Variants in POLR2B observed in about 807,000 individuals in gnomAD.
POLR2B encodes DNA-directed RNA polymerase II subunit RPB2.
In POLR2B, 57 loss-of-function variants were observed where a neutral mutation model predicts 144.6. That is an observed-to-expected ratio of 0.39 (90% confidence interval 0.32 to 0.49). The LOEUF is 0.49. Among genes scored for constraint, POLR2B ranks in the 20% least tolerant of loss-of-function variants. POLR2B has a pLI of 0.83. For synonymous variants in POLR2B, 442 were observed against 469.8 expected, an observed-to-expected ratio of 0.94 and a Z score of 0.77; for missense variants, 595 against 1,467.4, an observed-to-expected ratio of 0.41 and a Z score of 9.71.
At chr4:56,982,539 C>T (rs1002314409) in intron 1 of POLR2B, among the ~76,000 whole-genome samples, 7 of 151,970 alleles carry the variant, frequency 4.6e-5, no homozygotes, top group Middle Eastern at 3.4e-3. Flanking sequence ...CACCACTGCA[C>T]TTCAGCCTGG....
chr4:56,998,948 G>C (rs909717708), intron 6 of POLR2B, among the ~76,000 whole-genome samples: 2 of 152,144 alleles, frequency 1.3e-5, no homozygotes, highest in African/African-American at 4.8e-5. Context: ...GAGGCCAAGG[G>C]AAGATAGAGT....
At chr4:57,020,099 T>C (rs1258003420) in intron 16 of POLR2B, among the ~76,000 whole-genome samples, 1 of 152,154 alleles carries the variant, frequency 6.6e-6, no homozygotes, top group Non-Finnish European at 1.5e-5. Context: ...AGTGGCACGA[T>C]CTTGGTTCGC....
At chr4:57,028,728 A>T (rs1377863426) in intron 23 of POLR2B, among the ~76,000 whole-genome samples, 1 of 152,130 alleles carries the variant, frequency 6.6e-6, no homozygotes, top group East Asian at 1.9e-4. Context: ...AATAGCTTTG[A>T]CTCTCAGGCG....
At chr4:56,994,609 C>T in intron 4 of POLR2B, 38 bp from the exon 5 acceptor site, 3 of 1,463,086 alleles carry the variant, frequency 2.1e-6, no homozygotes, top group Non-Finnish European at 2.9e-6. Flanking sequence ...TTAACAGATA[C>T]CCTATTGCTT....
At chr4:56,994,040 CTT>C (rs1722603882) in intron 3 of POLR2B, among the ~76,000 whole-genome samples, 1 of 152,162 alleles carries the variant, frequency 6.6e-6, no homozygotes, top group African/African-American at 2.4e-5. Flanking sequence ...TATTAAGTCT[CTT>C]TTTGTCTTCT....
intron 1 of POLR2B, among the ~76,000 whole-genome samples, chr4:56,980,492 C>T (rs893940967): frequency 4.6e-5 from 7 of 151,976 alleles, no homozygotes; most frequent in Admixed American, 3.9e-4. Context: ...GAGTCTGAGG[C>T]GGGTGGATTA....
chr4:57,005,641 G>GCTT lies in POLR2B; in HGVS notation c.1139_1140insCTT (p.Arg380delinsSerLeu). 6.2e-7 allele frequency: 1 copy of GCTT among 1,610,106 alleles called. No individual in the cohort carries two copies. The highest frequency in any genetic ancestry group is 8.5e-7 in the Non-Finnish European group (1 of 1,177,728). On this transcript the variant is annotated protein_altering_variant, in exon 9 of 25. Coordinates refer to ENST00000314595, the MANE Select transcript of POLR2B (RefSeq NM_000938.3). ...TTACTTCTGGCAGCTTTGGGTAGAA[G>GCTT]AGAACTAGATGACAGAGATCACTAT...
chr4:56,993,298 G>C (rs1722579451), intron 3 of POLR2B, among the ~76,000 whole-genome samples: 1 of 152,056 alleles, frequency 6.6e-6, no homozygotes, highest in Non-Finnish European at 1.5e-5. Flanking sequence ...GTGAGACCCT[G>C]TCTCAAACAA....
intron 17 of POLR2B, 123 bp from the exon 18 acceptor site, chr4:57,022,029 C>T (rs907230565): frequency 3.2e-6 from 2 of 621,512 alleles, no homozygotes; most frequent in African/African-American, 1.9e-5. Context: ...TGCAGTTACT[C>T]TTGTCCCAGA....
At chr4:56,984,648 C>G (rs1173083280) in intron 1 of POLR2B, among the ~76,000 whole-genome samples, 1 of 152,172 alleles carries the variant, frequency 6.6e-6, no homozygotes, top group Non-Finnish European at 1.5e-5. Flanking sequence ...ATAGCTTTGT[C>G]TTTCTTACCC....
At chr4:57,020,097 G>A (rs1003742502) in intron 16 of POLR2B, among the ~76,000 whole-genome samples, 1 of 152,080 alleles carries the variant, frequency 6.6e-6, no homozygotes, top group South Asian at 2.1e-4. Context: ...GCAGTGGCAC[G>A]ATCTTGGTTC....
chr4:57,010,201 G>T (rs1723145154), intron 10 of POLR2B, 160 bp from the exon 11 acceptor site: 2 of 610,670 alleles, frequency 3.3e-6, no homozygotes, highest in Admixed American at 3.0e-5. Context: ...CAAGTGGCAG[G>T]TAAGTTAAAG....
chr4:57,007,065 T>G, intron 10 of POLR2B, 63 bp downstream of exon 10: 4 of 1,144,428 alleles, frequency 3.5e-6, no homozygotes, highest in Non-Finnish European at 5.1e-6. Context: ...TAGTAGATTC[T>G]TTTGTTTGTT....
At chr4:57,024,593 T>C (rs4865170) in intron 21 of POLR2B, among the ~76,000 whole-genome samples, 13 of 152,166 alleles carry the variant, frequency 8.5e-5, no homozygotes, top group Admixed American at 5.9e-4. Flanking sequence ...ACTCTTTTTG[T>C]ACCTGATCCC....
chr4:56,988,153 T>G (rs951165244), intron 2 of POLR2B, among the ~76,000 whole-genome samples: 2 of 152,130 alleles, frequency 1.3e-5, no homozygotes, highest in Non-Finnish European at 2.9e-5. Context: ...GGAGCTCTGT[T>G]TCTGGTGGCA....
At chr4:56,985,842 C>T (rs1434275995) in intron 1 of POLR2B, among the ~76,000 whole-genome samples, 1 of 152,124 alleles carries the variant, frequency 6.6e-6, no homozygotes, top group Non-Finnish European at 1.5e-5. Flanking sequence ...AAAATCTACC[C>T]GATTCAAGGA....
At chr4:56,986,748 C>T (rs1024950184) in intron 2 of POLR2B, 3 of 178,738 alleles carry the variant, frequency 1.7e-5, no homozygotes, top group Admixed American at 6.1e-5. Flanking sequence ...GAGCGAAGGT[C>T]GCACCGCTGC....
At chr4:57,018,767 A>G (rs966736416) in intron 16 of POLR2B, among the ~76,000 whole-genome samples, 1 of 152,176 alleles carries the variant, frequency 6.6e-6, no homozygotes, top group African/African-American at 2.4e-5. Flanking sequence ...AAAAGGCCAG[A>G]GGCAGACAAT....
intron 23 of POLR2B, 42 bp downstream of exon 23, chr4:57,025,579 A>G (rs757952540): frequency 1.5e-6 from 2 of 1,356,472 alleles, no homozygotes; most frequent in South Asian, 2.4e-5. Context: ...TTAACCTTAT[A>G]TTATGAAAAA....
Sources: allele counts gnomAD v4.1 joint callset (sites outside exome capture counted in the v4.1 genomes callset), GRCh38; gene constraint gnomAD v4.1.1; transcripts MANE v1.5; gene names NCBI Gene and HGNC (gene_info 2026-07-23, HGNC 2026-07-21).